The following MYO3B variants were observed in gnomAD, a reference collection of about 807,000 sequenced individuals.
The protein encoded by MYO3B is myosin-IIIb.
MYO3B carries 156 observed loss-of-function variants against 174.6 expected under a neutral mutation model. That is an observed-to-expected ratio of 0.89 (90% confidence interval 0.78 to 1.02). The LOEUF (loss-of-function observed/expected upper bound fraction) is 1.02. Ranked by LOEUF, MYO3B falls within the 50% of genes least tolerant of loss-of-function variation. The pLI is 0.00. For synonymous variants in MYO3B, 563 were observed against 569.1 expected (o/e 0.99, Z 0.15); for missense variants, 1,632 against 1,639.4 (o/e 1.00, Z 0.08).
At chr2:170,625,532 GT>G (rs1279212837) in intron 32 of MYO3B, among the ~76,000 whole-genome samples, 3 of 152,078 alleles carry the variant, frequency 2.0e-5, no homozygotes, top group African/African-American at 7.3e-5. Flanking sequence ...TTTTCAAAGG[GT>G]TTTTTGTGTC....
intron 22 of MYO3B, among the ~76,000 whole-genome samples, chr2:170,430,798 AG>A (rs2094702687): frequency 6.6e-6 from 1 of 152,230 alleles, no homozygotes; most frequent in African/African-American, 2.4e-5. Context: ...CAAAAACAAA[AG>A]GAGATTTGAT....
At chr2:170,240,165 A>C (rs35948922) in intron 7 of MYO3B, among the ~76,000 whole-genome samples, 47,985 of 151,842 alleles carry the variant, frequency 0.32, 7,931 homozygotes, top group Non-Finnish European at 0.38. Context: ...TCTTATTCCA[A>C]ATGAGGTCGC....
intron 32 of MYO3B, among the ~76,000 whole-genome samples, chr2:170,585,526 C>T (rs1196200430): frequency 6.6e-6 from 1 of 152,128 alleles, no homozygotes; most frequent in Non-Finnish European, 1.5e-5. Context: ...ATTTTTTACA[C>T]CTTTTTGTAG....
chr2:170,410,194 G>A, intron 22 of MYO3B, among the ~76,000 whole-genome samples: 1 of 152,116 alleles, frequency 6.6e-6, no homozygotes, highest in Non-Finnish European at 1.5e-5. Flanking sequence ...TGGAGCACTA[G>A]TTCAGTAAGC....
chr2:170,591,328 G>A (rs1246079832), intron 32 of MYO3B, among the ~76,000 whole-genome samples: 2 of 152,154 alleles, frequency 1.3e-5, no homozygotes, highest in Non-Finnish European at 2.9e-5. Flanking sequence ...TGTATTAAAG[G>A]TTCATAGACC....
chr2:170,527,800 C>T lies in MYO3B; in HGVS notation c.3575+8260C>T, dbSNP rs141105089. Among the ~76,000 whole-genome samples, 781 of 152,310 alleles carry T rather than the reference C, an allele frequency of 5.1e-3. 7 individuals carry two copies. The highest frequency in any genetic ancestry group is 6.4e-3 in the Non-Finnish European group (435 of 68,036). On this transcript the variant is annotated intron_variant, in intron 30 of 34. Transcript: ENST00000408978. The stretch of plus-strand genomic sequence containing the variant: ...GAAACGTTTAGATGACTACCTAGTA[C>T]GTAGTTAAGTGGACAAAAATGTTAG...
chr2:170,217,553 G>T (rs1164857588), intron 6 of MYO3B, among the ~76,000 whole-genome samples, 158 bp downstream of exon 6: 1 of 152,202 alleles, frequency 6.6e-6, no homozygotes, highest in Non-Finnish European at 1.5e-5. Flanking sequence ...AGCGATGCTG[G>T]TGAGATGTAA....
Position 170,295,427 on chromosome 2 carries a change from G to A in MYO3B, c.750-39958G>A, listed in dbSNP as rs139694062. ...ATAATTGATTTATATTATTTTAGTG[G>A]ATTCCCTTAAATTTTTAATATACTA... is the stretch of plus-strand genomic sequence containing the variant. On this transcript the variant is annotated intron_variant, in intron 7 of 34. Transcript: ENST00000408978. Among the ~76,000 whole-genome samples the A allele has an allele frequency of 8.6e-5, 13 of 151,066 alleles. No individual in the cohort carries two copies. The East Asian group carries it at 2.5e-3, about 29-fold the overall frequency.
intron 7 of MYO3B, among the ~76,000 whole-genome samples, chr2:170,284,886 A>C (rs780596836): frequency 1.3e-5 from 2 of 152,150 alleles, no homozygotes; most frequent in Non-Finnish European, 2.9e-5. Context: ...AAAAACTTTC[A>C]TTGCATATGC....
intron 7 of MYO3B, among the ~76,000 whole-genome samples, chr2:170,316,192 G>A (rs1378643942): frequency 6.6e-6 from 1 of 152,202 alleles, no homozygotes; most frequent in Non-Finnish European, 1.5e-5. Flanking sequence ...ATAAATGTGT[G>A]TGTATTAATG....
rs534518975 is a variant in MYO3B at position 170,481,484 on chromosome 2, G to A, written c.3014+14773G>A. On this transcript the variant is annotated intron_variant, in intron 25 of 34. Transcript: ENST00000408978. ...CCTAGCTACTTGGTAGCTGAGGTGA[G>A]AGGATCGCTTGAGCCTCAGAGGTCA... Among the ~76,000 whole-genome samples, 14 of 152,330 alleles carry A rather than the reference G, an allele frequency of 9.2e-5. No homozygotes were observed. In the South Asian group the frequency reaches 2.7e-3, roughly 29 times the overall value.
intron 32 of MYO3B, among the ~76,000 whole-genome samples, chr2:170,583,643 T>C (rs139170167): frequency 4.5e-4 from 68 of 152,342 alleles, no homozygotes; most frequent in African/African-American, 1.5e-3. Context: ...CTTTATTCTG[T>C]GCATGGAACT....
intron 28 of MYO3B, among the ~76,000 whole-genome samples, chr2:170,503,032 G>GAA (rs1687381672): frequency 6.6e-6 from 1 of 152,186 alleles, no homozygotes; most frequent in Non-Finnish European, 1.5e-5. Context: ...TCTTGTTACA[G>GAA]CTTAAGAGAG....
chr2:170,645,005 CA>C (rs2105460581), intron 32 of MYO3B, among the ~76,000 whole-genome samples: 1 of 152,230 alleles, frequency 6.6e-6, no homozygotes, highest in African/African-American at 2.4e-5. Context: ...ATGTTAAATG[CA>C]AACTGGTATT....
chr2:170,301,115 A>G (rs563714707), intron 7 of MYO3B, among the ~76,000 whole-genome samples: 1 of 152,322 alleles, frequency 6.6e-6, no homozygotes, highest in South Asian at 2.1e-4. Context: ...AGCAATGAGA[A>G]TAATTTCTTT....
chr2:170,629,442 T>TA (rs1696751698), intron 32 of MYO3B, among the ~76,000 whole-genome samples: 1 of 152,080 alleles, frequency 6.6e-6, no homozygotes, highest in Non-Finnish European at 1.5e-5. Context: ...TAGCAGAGGG[T>TA]AAAATTATCA....
chr2:170,572,222 G>T (rs145460319), intron 32 of MYO3B, among the ~76,000 whole-genome samples: 1 of 152,112 alleles, frequency 6.6e-6, no homozygotes, highest in Non-Finnish European at 1.5e-5. Flanking sequence ...GAGGTCAGGG[G>T]TTCGAGACCA....
intron 28 of MYO3B, among the ~76,000 whole-genome samples, chr2:170,513,097 C>T (rs752101318): frequency 1.3e-5 from 2 of 152,122 alleles, no homozygotes; most frequent in Non-Finnish European, 2.9e-5. Flanking sequence ...CCGCACACCC[C>T]AGCCAAATCA....
chr2:170,488,003 A>T (rs1042447450), intron 25 of MYO3B, among the ~76,000 whole-genome samples: 110 of 152,378 alleles, frequency 7.2e-4, no homozygotes, highest in Admixed American at 2.6e-4. Context: ...TTGAAAACAA[A>T]AGGAAAAATC....
Sources: allele counts gnomAD v4.1 joint callset (sites outside exome capture counted in the v4.1 genomes callset), GRCh38; gene constraint gnomAD v4.1.1; transcripts MANE v1.5; gene names NCBI Gene and HGNC (gene_info 2026-07-23, HGNC 2026-07-21).